The following DLGAP1 variants were observed in gnomAD, a reference collection of about 807,000 sequenced individuals.
DLGAP1 encodes disks large-associated protein 1.
DLGAP1 carries 11 observed loss-of-function variants against 90.8 expected under a neutral mutation model. That is an observed-to-expected ratio of 0.12 (90% CI 0.08 to 0.20). DLGAP1 has a LOEUF of 0.20. Ranked by LOEUF, DLGAP1 falls within the 10% of genes least tolerant of loss-of-function variation. The pLI is 1.00. For synonymous variants in DLGAP1, 558 were observed against 540.7 expected (o/e 1.03, Z -0.44); for missense variants, 1,050 against 1,333.8 (o/e 0.79, Z 3.31).
intron 2 of DLGAP1, among the ~76,000 whole-genome samples, chr18:4,069,894 A>G (rs899381365): frequency 1.3e-5 from 2 of 152,154 alleles, no homozygotes; most frequent in Non-Finnish European, 2.9e-5. Flanking sequence ...CAAAATTTCT[A>G]GTTCTCACAT....
chr18:4,229,243 C>T (rs948911226), intron 1 of DLGAP1, among the ~76,000 whole-genome samples: 15 of 151,918 alleles, frequency 9.9e-5, no homozygotes, highest in African/African-American at 3.6e-4. Context: ...CTCAAAATGT[C>T]CATACTACTT....
intron 3 of DLGAP1, among the ~76,000 whole-genome samples, chr18:3,908,483 C>G (rs908260206): frequency 6.6e-6 from 1 of 152,120 alleles, no homozygotes; most frequent in African/African-American, 2.4e-5. Flanking sequence ...GGCCCCCATT[C>G]CTAAAAGCCT....
intron 3 of DLGAP1, among the ~76,000 whole-genome samples, chr18:3,982,609 T>G (rs2073757222): frequency 6.6e-6 from 1 of 152,146 alleles, no homozygotes; most frequent in East Asian, 1.9e-4. Context: ...TCAGTTCTTA[T>G]TATCTACATG....
At chr18:4,004,028 C>T (rs1438366300) in intron 3 of DLGAP1, among the ~76,000 whole-genome samples, 3 of 152,110 alleles carry the variant, frequency 2.0e-5, no homozygotes, top group African/African-American at 7.2e-5. Context: ...GCTACAGTGT[C>T]CAGGGCACGT....
chr18:4,279,937 C>T lies in DLGAP1; in HGVS notation c.-266-128650G>A, dbSNP rs187299708. Among the ~76,000 whole-genome samples, 560 of 152,146 alleles carry T rather than the reference C, an allele frequency of 3.7e-3. 4 individuals carry two copies. The highest frequency in any genetic ancestry group is 0.012 in the African/African-American group (512 of 41,510). ...TTTTGAACCAAAAATCTGATTTATT[C>T]GTTAAACAGTCATTAAATCATAGTG... On this transcript the variant is annotated intron_variant, in intron 1 of 12. Coordinates refer to ENST00000315677, the MANE Select transcript of DLGAP1 (RefSeq NM_004746.4).
At position 3,564,727 on chromosome 18, in the gene DLGAP1, C is replaced by G. The variant is rs148371341; in HGVS notation, c.2057+2763G>C. Among the ~76,000 whole-genome samples the G allele has an allele frequency of 4.2e-3, 633 of 152,254 alleles. 6 individuals carry two copies. Among genetic ancestry groups the G allele is most frequent in the Middle Eastern group, 0.014 (4 of 294 alleles). On this transcript the variant is annotated intron_variant, in intron 9 of 12. Coordinates refer to ENST00000315677, the MANE Select transcript of DLGAP1 (RefSeq NM_004746.4). ...GCCTCCAACAATTCTTCAGTTACTGCTTACGTTTTCTTACCCTGTGCTGGT... is the reference window on the plus strand; with the variant it reads ...GCCTCCAACAATTCTTCAGTTACTGGTTACGTTTTCTTACCCTGTGCTGGT...
intron 1 of DLGAP1, among the ~76,000 whole-genome samples, chr18:4,164,338 A>C (rs2076897289): frequency 1.3e-5 from 2 of 152,230 alleles, no homozygotes; most frequent in African/African-American, 4.8e-5. Context: ...CAGATGGTTA[A>C]ATTATCTGAT....
At chr18:3,614,990 C>T (rs59365565) in intron 7 of DLGAP1, among the ~76,000 whole-genome samples, 91,489 of 140,832 alleles carry the variant, frequency 0.65, 28,048 homozygotes, top group East Asian at 0.76. Context: ...GGCACGATCT[C>T]GGCTCACCGC....
intron 7 of DLGAP1, among the ~76,000 whole-genome samples, chr18:3,587,744 C>T (rs531922103): frequency 2.0e-5 from 3 of 152,250 alleles, no homozygotes; most frequent in South Asian, 2.1e-4. Context: ...CTGAAGTCAG[C>T]GAGACCACTA....
intron 1 of DLGAP1, among the ~76,000 whole-genome samples, chr18:4,183,188 A>T (rs1473729454): frequency 6.6e-6 from 1 of 152,178 alleles, no homozygotes; most frequent in Non-Finnish European, 1.5e-5. Context: ...TATACAAGTC[A>T]TACTGAAAAC....
At chr18:4,281,066 CTAA>C (rs1374175454) in intron 1 of DLGAP1, 5 of 152,228 alleles carry the variant, frequency 3.3e-5, no homozygotes, top group African/African-American at 7.2e-5. Context: ...AACTATCAGC[CTAA>C]TAATGTCTTT....
chr18:4,269,677 C>T (rs1688383931), intron 1 of DLGAP1, among the ~76,000 whole-genome samples: 1 of 152,054 alleles, frequency 6.6e-6, no homozygotes, highest in South Asian at 2.1e-4. Flanking sequence ...ATTTTATTTT[C>T]ACCGAGAAAT....
chr18:3,959,266 T>C (rs1158705820), intron 3 of DLGAP1, among the ~76,000 whole-genome samples: 1 of 152,144 alleles, frequency 6.6e-6, no homozygotes, highest in Admixed American at 6.5e-5. Flanking sequence ...TACCTGACCT[T>C]GTCTTTAGGT....
chr18:4,076,772 T>C (rs2075530087), intron 2 of DLGAP1, among the ~76,000 whole-genome samples: 2 of 151,998 alleles, frequency 1.3e-5, no homozygotes, highest in Admixed American at 1.3e-4. Context: ...TACAGGTGCA[T>C]ACCACCACAC....
At chr18:4,046,976 CTTA>C (rs765700876) in intron 2 of DLGAP1, among the ~76,000 whole-genome samples, 23 of 152,200 alleles carry the variant, frequency 1.5e-4, no homozygotes, top group Non-Finnish European at 2.5e-4. Context: ...GCTAATGACC[CTTA>C]TTCTTTGCCT....
chr18:4,369,970 C>T (rs763811118), intron 1 of DLGAP1, among the ~76,000 whole-genome samples: 14 of 151,960 alleles, frequency 9.2e-5, no homozygotes, highest in Admixed American at 8.5e-4. Flanking sequence ...GATCGCATTG[C>T]TGTGACAATT....
At chr18:3,809,699 C>G (rs1352755762) in intron 5 of DLGAP1, among the ~76,000 whole-genome samples, 1 of 152,184 alleles carries the variant, frequency 6.6e-6, no homozygotes, top group Admixed American at 6.5e-5. Flanking sequence ...TATTAAGACA[C>G]TTTAAACTAT....
At chr18:3,883,243 C>G (rs2071226885) in intron 3 of DLGAP1, among the ~76,000 whole-genome samples, 2 of 152,148 alleles carry the variant, frequency 1.3e-5, no homozygotes, top group African/African-American at 4.8e-5. Flanking sequence ...GATTCCATCT[C>G]AAAACAAACA....
rs1163076371 is a variant in DLGAP1 at position 4,377,970 on chromosome 18, T to C, written c.-267+77036A>G. ...ATAATTACTTAACCTTTACTGAGCATGTACTTTGGAGTATGGCCAAATTAA... is the reference window on the plus strand; with the variant it reads ...ATAATTACTTAACCTTTACTGAGCACGTACTTTGGAGTATGGCCAAATTAA... On this transcript the variant is annotated intron_variant, in intron 1 of 12. Coordinates refer to ENST00000315677, the MANE Select transcript of DLGAP1 (RefSeq NM_004746.4). Among the ~76,000 whole-genome samples the C allele has an allele frequency of 4.0e-5, 6 of 151,762 alleles. No homozygotes were observed. The East Asian group carries it at 1.2e-3, about 29-fold the overall frequency.
Sources: allele counts gnomAD v4.1 joint callset (sites outside exome capture counted in the v4.1 genomes callset), GRCh38; gene constraint gnomAD v4.1.1; transcripts MANE v1.5; gene names NCBI Gene and HGNC (gene_info 2026-07-23, HGNC 2026-07-21).